C9: variants seen among roughly 807,000 people sequenced by gnomAD.
C9 encodes complement component C9.
In C9, 63 loss-of-function variants were observed where a neutral mutation model predicts 65.4. That is an observed-to-expected ratio of 0.96 (90% CI 0.79 to 1.19). The LOEUF (loss-of-function observed/expected upper bound fraction) is 1.19, where lower values mean the gene tolerates loss of function less well. C9 is among the 50% of genes most tolerant of loss of function. The probability of loss-of-function intolerance (pLI) is 0.00; values close to 1 mark genes in which losing one functional copy is unlikely to be tolerated. For missense variants in C9, 744 were observed against 670.1 expected, an observed-to-expected ratio of 1.11 and a Z score of -1.22; for synonymous variants, 229 against 227.9, an observed-to-expected ratio of 1.00 and a Z score of -0.04.
At chr5:39,348,624 G>A (rs1427209727) in intron 1 of C9, among the ~76,000 whole-genome samples, 1 of 152,124 alleles carries the variant, frequency 6.6e-6, no homozygotes, top group African/African-American at 2.4e-5. Context: ...GATTCCTCAG[G>A]GATCTAGAAC....
intron 1 of C9, among the ~76,000 whole-genome samples, chr5:39,347,990 C>T (rs1049291393): frequency 1.4e-5 from 2 of 140,880 alleles, no homozygotes; most frequent in Non-Finnish European, 3.1e-5. Flanking sequence ...AAACTGGATC[C>T]CTTCCTTATA....
At chr5:39,344,630 T>C (rs563341330) in intron 1 of C9, among the ~76,000 whole-genome samples, 2 of 152,262 alleles carry the variant, frequency 1.3e-5, no homozygotes, top group Admixed American at 1.3e-4. Flanking sequence ...TTCCCCAACC[T>C]AGCACAGCAG....
At chr5:39,347,379 C>T (rs1164457893) in intron 1 of C9, among the ~76,000 whole-genome samples, 1 of 152,146 alleles carries the variant, frequency 6.6e-6, no homozygotes. Flanking sequence ...ACACCAATAA[C>T]AGACAAACAG....
rs148051764 is a variant in C9, at chr5:39,287,728, A to T, written c.1645+995T>A. 2.8e-3 allele frequency among the ~76,000 whole-genome samples: 421 copies of T among 152,150 alleles called. 2 individuals carry two copies. Among genetic ancestry groups the T allele is most frequent in the Middle Eastern group, 0.01 (3 of 294 alleles). On this transcript the variant is annotated intron_variant, in intron 10 of 10. Transcript: ENST00000263408. ...CTAAGTGAAATAACCCAGAAATAGA[A>T]AATCAAATACCACATGTTCTCGCTT... is the stretch of plus-strand genomic sequence containing the variant.
intron 7 of C9, among the ~76,000 whole-genome samples, chr5:39,309,195 G>T (rs1358948557): frequency 6.6e-6 from 1 of 151,810 alleles, no homozygotes; most frequent in Non-Finnish European, 1.5e-5. Context: ...CTATTTTAAG[G>T]GTAAACATCC....
At chr5:39,298,365 C>T (rs155376) in intron 9 of C9, among the ~76,000 whole-genome samples, 60,144 of 151,290 alleles carry the variant, frequency 0.4, 13,316 homozygotes, top group Middle Eastern at 0.59. Context: ...TTTAAAGCTG[C>T]TTTTTTGAGA....
At chr5:39,328,051 A>C (rs965715318) in intron 5 of C9, among the ~76,000 whole-genome samples, 1 of 152,184 alleles carries the variant, frequency 6.6e-6, no homozygotes, top group Non-Finnish European at 1.5e-5. Flanking sequence ...TTATATATGA[A>C]GGCCAGAGTG....
intron 5 of C9, 120 bp downstream of exon 5, chr5:39,331,556 G>A (rs1753840222): frequency 1.1e-6 from 1 of 873,020 alleles, no homozygotes; most frequent in Non-Finnish European, 1.9e-6. Context: ...TCTTCTTTAA[G>A]TCTTGTGTTC....
At chr5:39,341,403 A>C in intron 3 of C9, 110 bp from the exon 4 acceptor site, 2 of 1,464,376 alleles carry the variant, frequency 1.4e-6, no homozygotes, top group South Asian at 1.1e-5. Context: ...AGAAAAACAC[A>C]TTTGAGTTCT....
chr5:39,314,803 C>G (rs1035730345), intron 6 of C9, among the ~76,000 whole-genome samples: 5 of 152,140 alleles, frequency 3.3e-5, no homozygotes, highest in African/African-American at 1.2e-4. Context: ...CCCTGCTTTC[C>G]TTCATGTTAC....
chr5:39,352,715 T>C (rs1754342607), intron 1 of C9, among the ~76,000 whole-genome samples: 1 of 152,216 alleles, frequency 6.6e-6, no homozygotes, highest in Non-Finnish European at 1.5e-5. Flanking sequence ...CAAAAATTAC[T>C]CTCTAATTCA....
chr5:39,328,057 G>C (rs968558294), intron 5 of C9, among the ~76,000 whole-genome samples: 5 of 152,186 alleles, frequency 3.3e-5, no homozygotes, highest in Non-Finnish European at 7.3e-5. Flanking sequence ...ATGAAGGCCA[G>C]AGTGGAAGGA....
At chr5:39,340,091 C>T (rs1198827509) in intron 4 of C9, among the ~76,000 whole-genome samples, 1 of 152,004 alleles carries the variant, frequency 6.6e-6, no homozygotes, top group African/African-American at 2.4e-5. Context: ...GAGTCCTATC[C>T]GGGAAAAGAA....
At chr5:39,332,904 A>C (rs1753870003) in intron 4 of C9, among the ~76,000 whole-genome samples, 1 of 152,230 alleles carries the variant, frequency 6.6e-6, no homozygotes. Context: ...ATTTTACATA[A>C]ACTTTGAATC....
intron 1 of C9, among the ~76,000 whole-genome samples, chr5:39,342,872 T>C (rs1020746621): frequency 2.0e-5 from 3 of 152,160 alleles, no homozygotes; most frequent in African/African-American, 7.2e-5. Context: ...CTTTGAACTT[T>C]CCTTTCTCCG....
At chr5:39,352,687 A>G (rs768274720) in intron 1 of C9, among the ~76,000 whole-genome samples, 5 of 152,270 alleles carry the variant, frequency 3.3e-5, no homozygotes, top group Admixed American at 6.5e-5. Context: ...CCAACATTAT[A>G]TATCTCCTAG....
intron 9 of C9, among the ~76,000 whole-genome samples, chr5:39,302,352 T>C (rs1753301132): frequency 1.3e-5 from 2 of 152,094 alleles, no homozygotes; most frequent in South Asian, 4.1e-4. Flanking sequence ...ACCATAAAAG[T>C]GGTAAAGTAT....
intron 1 of C9, among the ~76,000 whole-genome samples, chr5:39,350,077 T>G (rs1456947959): frequency 6.6e-6 from 1 of 152,138 alleles, no homozygotes; most frequent in Non-Finnish European, 1.5e-5. Context: ...ACAGGCTGTA[T>G]GGGAGGCATG....
chr5:39,341,643 C>A lies in C9; in HGVS notation c.241G>T (p.Ala81Ser). ...ACACACTGTCGTCTGTCTCCCACAG[C>A]GTCGGTGCATCTTTTCCCATTAAAT... ...GQFNGKRCTD[A>S]VGDRRQCVPT... The change falls in exon 3 of 11, where the codon GCT (alanine) becomes TCT (serine). Residue 81 changes from alanine to serine, a missense_variant. Physicochemically the swap from Ala to Ser is moderately conservative, Grantham distance 99. Transcript: ENST00000263408. The A allele has an allele frequency of 1.2e-6, 2 of 1,613,702 alleles. No individual in the cohort carries two copies. The highest frequency in any genetic ancestry group is 2.2e-5 in the South Asian group (2 of 91,058).
Sources: gnomAD v4.1 joint callset for allele counts (sites outside exome capture counted in the v4.1 genomes callset) on GRCh38, gnomAD v4.1.1 for gene constraint, MANE v1.5 for transcripts, NCBI Gene and HGNC (gene_info 2026-07-23, HGNC 2026-07-21) for gene names.